Variants in AK5 observed in about 807,000 individuals in gnomAD.
AK5 encodes adenylate kinase isoenzyme 5.
In AK5, 27 loss-of-function variants were observed where a neutral mutation model predicts 69.5. The observed-to-expected ratio is 0.39, with a 90% CI of 0.29 to 0.54. The LOEUF is 0.54. AK5 is among the 20% of genes least tolerant of loss of function. The pLI, the probability that AK5 is intolerant of heterozygous loss-of-function variation, is 0.71. For missense variants in AK5, 531 were observed against 700.4 expected (o/e 0.76, Z 2.73); for synonymous variants, 260 against 244.4 (o/e 1.06, Z -0.60).
At chr1:77,427,742 C>T (rs1319423967) in intron 8 of AK5, among the ~76,000 whole-genome samples, 1 of 152,188 alleles carries the variant, frequency 6.6e-6, no homozygotes, top group Non-Finnish European at 1.5e-5. Flanking sequence ...CTACAGCTAA[C>T]ATCATACTTA....
intron 5 of AK5, among the ~76,000 whole-genome samples, chr1:77,310,263 A>G (rs1659869854): frequency 6.6e-6 from 1 of 152,110 alleles, no homozygotes; most frequent in Admixed American, 6.5e-5. Context: ...TGGTTTCTCT[A>G]TTCAGTTCTT....
At chr1:77,393,110 T>G (rs1356616907) in intron 6 of AK5, among the ~76,000 whole-genome samples, 3 of 152,074 alleles carry the variant, frequency 2.0e-5, no homozygotes, top group Non-Finnish European at 4.4e-5. Flanking sequence ...TTATTTTTAT[T>G]TATTAATTAA....
chr1:77,418,233 A>G (rs1046329793), intron 8 of AK5, among the ~76,000 whole-genome samples: 2 of 152,200 alleles, frequency 1.3e-5, no homozygotes, highest in African/African-American at 4.8e-5. Flanking sequence ...AGCAAGTCAC[A>G]TCTTACATGG....
chr1:77,331,919 G>A (rs999478040), intron 5 of AK5, among the ~76,000 whole-genome samples: 2 of 152,084 alleles, frequency 1.3e-5, no homozygotes, highest in African/African-American at 2.4e-5. Context: ...TCAGTATGGA[G>A]AAGTTGAGTT....
At position 77,378,480 on chromosome 1, in the gene AK5, C is replaced by A. The variant is rs149534928; in HGVS notation, c.892-32501C>A. 2.0e-4 allele frequency among the ~76,000 whole-genome samples: 30 copies of A among 152,262 alleles called. No homozygotes were observed. The East Asian group carries it at 5.8e-3, about 29-fold the overall frequency. On this transcript the variant is annotated intron_variant, in intron 6 of 13. Transcript: ENST00000354567. ...GGGATTACAGGCATGCACCACCACG[C>A]CCAGCTAATTTGTATTTTTAGAAGA...
intron 7 of AK5, among the ~76,000 whole-genome samples, chr1:77,413,450 G>A (rs1357508819): frequency 6.6e-6 from 1 of 152,032 alleles, no homozygotes; most frequent in Admixed American, 6.6e-5. Flanking sequence ...AGGTGTACCA[G>A]GACTTTTCTT....
At chr1:77,283,624 C>G in intron 1 of AK5, 1 of 985,442 alleles carries the variant, frequency 1.0e-6, no homozygotes, top group Non-Finnish European at 1.2e-6. Context: ...AAACCACTCA[C>G]TGAACTCAAG....
intron 7 of AK5, among the ~76,000 whole-genome samples, chr1:77,411,613 C>T (rs911520448): frequency 6.6e-6 from 1 of 152,092 alleles, no homozygotes; most frequent in East Asian, 1.9e-4. Context: ...TCCTGACCCC[C>T]CTCTCATTCT....
intron 13 of AK5, among the ~76,000 whole-genome samples, chr1:77,543,118 A>G (rs899902102): frequency 6.6e-6 from 1 of 152,214 alleles, no homozygotes; most frequent in Admixed American, 6.5e-5. Context: ...TCTGGTCACC[A>G]TGCTGTCAGG....
chr1:77,512,074 A>G (rs1657381224), intron 10 of AK5, among the ~76,000 whole-genome samples: 1 of 152,210 alleles, frequency 6.6e-6, no homozygotes. Flanking sequence ...TACCTCTCAG[A>G]CTGGGGTGGA....
intron 10 of AK5, among the ~76,000 whole-genome samples, chr1:77,517,243 A>T (rs1267474231): frequency 6.6e-6 from 1 of 152,178 alleles, no homozygotes; most frequent in Admixed American, 6.5e-5. Context: ...CAGGCACATC[A>T]TCCTGCTAGC....
At chr1:77,476,841 T>C (rs974335029) in intron 8 of AK5, among the ~76,000 whole-genome samples, 1 of 151,924 alleles carries the variant, frequency 6.6e-6, no homozygotes, top group African/African-American at 2.4e-5. Context: ...TAAGTACTAC[T>C]GAAATAATAG....
intron 8 of AK5, among the ~76,000 whole-genome samples, chr1:77,418,361 G>C (rs1227106720): frequency 6.6e-6 from 1 of 152,154 alleles, no homozygotes; most frequent in Non-Finnish European, 1.5e-5. Context: ...CTGTGATTCA[G>C]TCATCTCCCA....
At chr1:77,380,551 A>C (rs1015158530) in intron 6 of AK5, among the ~76,000 whole-genome samples, 1 of 152,230 alleles carries the variant, frequency 6.6e-6, no homozygotes, top group South Asian at 2.1e-4. Context: ...GAAAACTGTG[A>C]ACATATTTAC....
At chr1:77,533,798 GGAAAAATC>G in intron 12 of AK5, among the ~76,000 whole-genome samples, 1 of 152,052 alleles carries the variant, frequency 6.6e-6, no homozygotes. Flanking sequence ...CCCCACAATT[GGAAAAATC>G]GCCTGGCTGT....
At chr1:77,386,663 T>C (rs1648052589) in intron 6 of AK5, among the ~76,000 whole-genome samples, 1 of 152,112 alleles carries the variant, frequency 6.6e-6, no homozygotes, top group Non-Finnish European at 1.5e-5. Context: ...ATTTCTGGAG[T>C]GTATGATAAA....
intron 8 of AK5, among the ~76,000 whole-genome samples, chr1:77,426,298 C>G (rs978709951): frequency 2.0e-5 from 3 of 152,104 alleles, no homozygotes; most frequent in African/African-American, 7.2e-5. Flanking sequence ...CTCTACCACG[C>G]TAACGCTAAT....
At chr1:77,380,072 T>C (rs1335072147) in intron 6 of AK5, among the ~76,000 whole-genome samples, 1 of 152,174 alleles carries the variant, frequency 6.6e-6, no homozygotes, top group Non-Finnish European at 1.5e-5. Context: ...AGAATACTAT[T>C]AAGAAGGCAG....
chr1:77,486,238 T>C, intron 9 of AK5, 70 bp from the exon 10 acceptor site: 1 of 1,028,648 alleles, frequency 9.7e-7, no homozygotes, highest in East Asian at 2.6e-5. Context: ...GGTTTTTATA[T>C]AATATGAGTA....
Sources: allele counts gnomAD v4.1 joint callset (sites outside exome capture counted in the v4.1 genomes callset), GRCh38; gene constraint gnomAD v4.1.1; transcripts MANE v1.5; gene names NCBI Gene and HGNC (gene_info 2026-07-23, HGNC 2026-07-21).